The following CDH12 variants were observed in gnomAD, a reference collection of about 807,000 sequenced individuals.
CDH12 encodes cadherin-12.
A neutral mutation model predicts 74.1 loss-of-function variants in CDH12; 41 were observed. The ratio of observed to expected loss-of-function variants is 0.55; its 90% CI spans 0.43 to 0.72. CDH12 has a LOEUF of 0.72. Among genes scored for constraint, CDH12 ranks in the 30% least tolerant of loss-of-function variants. CDH12 has a pLI of 0.00. For missense variants in CDH12, 945 were observed against 977.2 expected (o/e 0.97, Z 0.44); for synonymous variants, 399 against 355.0 (o/e 1.12, Z -1.39).
chr5:22,836,135 G>A (rs1313140894), intron 1 of CDH12, among the ~76,000 whole-genome samples: 3 of 150,822 alleles, frequency 2.0e-5, no homozygotes, highest in African/African-American at 7.3e-5. Flanking sequence ...TTTGGACAAG[G>A]AATCAATGCC....
chr5:22,309,012 C>CAGAGAA (rs1738266648), intron 3 of CDH12, among the ~76,000 whole-genome samples: 1 of 151,086 alleles, frequency 6.6e-6, no homozygotes, highest in Non-Finnish European at 1.5e-5. Flanking sequence ...GAGAGAAAAG[C>CAGAGAA]AGAGAAAGAG....
intron 2 of CDH12, among the ~76,000 whole-genome samples, chr5:22,425,778 A>G (rs1743905627): frequency 6.6e-6 from 1 of 152,164 alleles, no homozygotes; most frequent in Admixed American, 6.5e-5. Context: ...TCATTTAGCA[A>G]TTACATAAAA....
chr5:22,758,052 A>G (rs1223726036), intron 1 of CDH12, among the ~76,000 whole-genome samples: 1 of 152,154 alleles, frequency 6.6e-6, no homozygotes, highest in Non-Finnish European at 1.5e-5. Context: ...AAAGATTGCT[A>G]TCTGTCTCCA....
chr5:22,305,420 A>T (rs916838858), intron 3 of CDH12, among the ~76,000 whole-genome samples: 2 of 152,182 alleles, frequency 1.3e-5, no homozygotes, highest in African/African-American at 2.4e-5. Flanking sequence ...TTTAAAAAGA[A>T]ACTACTCTCA....
intron 3 of CDH12, among the ~76,000 whole-genome samples, chr5:22,330,215 T>C (rs189834924): frequency 6.0e-4 from 91 of 152,110 alleles, no homozygotes; most frequent in Middle Eastern, 3.4e-3. Flanking sequence ...ACCATTCCAG[T>C]TTGTAGCTCC....
At chr5:21,888,156 T>A (rs1752728104) in intron 6 of CDH12, among the ~76,000 whole-genome samples, 2 of 152,138 alleles carry the variant, frequency 1.3e-5, no homozygotes, top group South Asian at 4.1e-4. Flanking sequence ...GAGGTTAAGT[T>A]CTACAGTGAG....
intron 4 of CDH12, among the ~76,000 whole-genome samples, chr5:22,155,622 T>A (rs1747976318): frequency 6.6e-6 from 1 of 152,150 alleles, no homozygotes; most frequent in African/African-American, 2.4e-5. Flanking sequence ...GAATAGATCA[T>A]TGAACATATA....
intron 1 of CDH12, among the ~76,000 whole-genome samples, chr5:22,607,202 G>A (rs1224037933): frequency 6.6e-6 from 1 of 152,154 alleles, no homozygotes; most frequent in Non-Finnish European, 1.5e-5. Context: ...AATTCAAGCT[G>A]TCTGCAGAAA....
intron 6 of CDH12, among the ~76,000 whole-genome samples, chr5:21,931,603 A>G (rs760070426): frequency 2.0e-5 from 3 of 152,212 alleles, no homozygotes; most frequent in Non-Finnish European, 2.9e-5. Flanking sequence ...ACACATAAAA[A>G]TGAGAAGCTA....
rs139273061 is a variant in CDH12 at position 22,094,593 on chromosome 5, T to C, written c.-186-15731A>G. Reference sequence around the variant, plus strand: ...AGAGGGGGAGAAAGAAGAAAGGAGATTTTAGGAGACAGATTTGAACTTAAG... The same window carrying C: ...AGAGGGGGAGAAAGAAGAAAGGAGACTTTAGGAGACAGATTTGAACTTAAG... On this transcript the variant is annotated intron_variant, in intron 4 of 14. Transcript: ENST00000382254. 5.7e-3 allele frequency among the ~76,000 whole-genome samples: 865 copies of C among 151,900 alleles called. 6 individuals are homozygous for C. Among genetic ancestry groups the C allele is most frequent in the African/African-American group, 0.019 (787 of 41,416 alleles).
intron 2 of CDH12, among the ~76,000 whole-genome samples, chr5:22,480,611 T>C (rs1488529986): frequency 6.6e-6 from 1 of 151,748 alleles, no homozygotes; most frequent in Non-Finnish European, 1.5e-5. Context: ...ACACCTTGCA[T>C]TCAATTTTAT....
chr5:22,705,218 C>CA (rs1441226803), intron 1 of CDH12, among the ~76,000 whole-genome samples: 7 of 149,332 alleles, frequency 4.7e-5, no homozygotes, highest in Non-Finnish European at 8.9e-5. Context: ...TTGTAACTTA[C>CA]ATTTCCTCAA....
chr5:21,923,720 G>T (rs376966933), intron 6 of CDH12, among the ~76,000 whole-genome samples: 50 of 152,096 alleles, frequency 3.3e-4, no homozygotes, highest in African/African-American at 1.1e-3. Flanking sequence ...ATAAGTTTTG[G>T]GTGTGCTTCA....
intron 1 of CDH12, among the ~76,000 whole-genome samples, chr5:22,768,007 A>G (rs2127065948): frequency 6.6e-6 from 1 of 151,998 alleles, no homozygotes; most frequent in East Asian, 1.9e-4. Context: ...TGAAGTCTAC[A>G]GTTATAAATT....
intron 1 of CDH12, among the ~76,000 whole-genome samples, chr5:22,709,549 C>A (rs1313107083): frequency 2.4e-4 from 36 of 152,258 alleles, no homozygotes; most frequent in Non-Finnish European, 4.4e-5. Flanking sequence ...AAATAATTAG[C>A]AAATGTATAT....
Position 22,302,348 on chromosome 5 carries a change from A to T in CDH12, c.-332-89705T>A, listed in dbSNP as rs1374523806. Reference sequence around the variant, plus strand: ...ATAAATTGCATTTGTATGATCTGGTAACCTCATGTATATATAAGTGTGATA... The same window carrying T: ...ATAAATTGCATTTGTATGATCTGGTTACCTCATGTATATATAAGTGTGATA... On this transcript the variant is annotated intron_variant, in intron 3 of 14. Coordinates refer to ENST00000382254, the MANE Select transcript of CDH12 (RefSeq NM_004061.5). Among the ~76,000 whole-genome samples, 5 of 152,332 alleles carry T rather than the reference A, an allele frequency of 3.3e-5. No individual in the cohort carries two copies. In the East Asian group the frequency reaches 9.7e-4, roughly 29 times the overall value.
intron 1 of CDH12, among the ~76,000 whole-genome samples, chr5:22,825,329 G>A (rs1413488841): frequency 6.6e-6 from 1 of 152,082 alleles, no homozygotes; most frequent in Non-Finnish European, 1.5e-5. Context: ...AATAATGTCT[G>A]GGAAAGATTT....
At chr5:22,265,547 AT>A (rs1260768927) in intron 3 of CDH12, among the ~76,000 whole-genome samples, 1 of 152,180 alleles carries the variant, frequency 6.6e-6, no homozygotes, top group Admixed American at 6.5e-5. Flanking sequence ...AATTGGCCTC[AT>A]TTATGTGGCT....
At chr5:22,568,115 T>G (rs970321117) in intron 1 of CDH12, among the ~76,000 whole-genome samples, 2 of 152,186 alleles carry the variant, frequency 1.3e-5, no homozygotes, top group African/African-American at 4.8e-5. Flanking sequence ...ACCTAAGAAC[T>G]GGATTTTATT....
Sources: allele counts gnomAD v4.1 joint callset (sites outside exome capture counted in the v4.1 genomes callset), GRCh38; gene constraint gnomAD v4.1.1; transcripts MANE v1.5; gene names NCBI Gene and HGNC (gene_info 2026-07-23, HGNC 2026-07-21).